Variants in LUZP2 observed in about 807,000 individuals in gnomAD.
LUZP2 encodes the protein leucine zipper protein 2.
LUZP2 carries 52 observed loss-of-function variants against 51.6 expected under a neutral mutation model. The ratio of observed to expected loss-of-function variants is 1.01; its 90% CI spans 0.81 to 1.27. LUZP2 has a LOEUF of 1.27. Among genes scored for constraint, LUZP2 ranks in the 50% most tolerant of loss-of-function variants. The pLI, the probability that LUZP2 is intolerant of heterozygous loss-of-function variation, is 0.00. For missense variants in LUZP2, 436 were observed against 395.4 expected, an observed-to-expected ratio of 1.10 and a Z score of -0.87; for synonymous variants, 154 against 137.3, an observed-to-expected ratio of 1.12 and a Z score of -0.85.
intron 5 of LUZP2, among the ~76,000 whole-genome samples, chr11:24,812,639 C>A (rs1850055036): frequency 1.3e-5 from 2 of 152,042 alleles, no homozygotes; most frequent in Admixed American, 1.3e-4. Flanking sequence ...CAGAAAGAGA[C>A]AAAAATAGAT....
intron 5 of LUZP2, among the ~76,000 whole-genome samples, chr11:24,902,731 TATC>T (rs1183410520): frequency 3.9e-5 from 6 of 152,186 alleles, no homozygotes; most frequent in Non-Finnish European, 7.4e-5. Flanking sequence ...GTATATTAAT[TATC>T]ATCTATGTTT....
chr11:24,647,878 A>G (rs938461567), intron 1 of LUZP2, among the ~76,000 whole-genome samples: 4 of 151,870 alleles, frequency 2.6e-5, no homozygotes, highest in African/African-American at 4.8e-5. Context: ...CCTGGTATTC[A>G]AGAGCTATAT....
chr11:24,998,835 T>A (rs538802101), intron 9 of LUZP2, among the ~76,000 whole-genome samples: 8 of 152,274 alleles, frequency 5.3e-5, no homozygotes, highest in African/African-American at 1.7e-4. Context: ...TTTGGTTTCT[T>A]TCTCTCAGGG....
intron 1 of LUZP2, among the ~76,000 whole-genome samples, chr11:24,538,736 G>T (rs1054982146): frequency 6.6e-6 from 1 of 151,720 alleles, no homozygotes; most frequent in East Asian, 1.9e-4. Context: ...AAAAATAATT[G>T]TGAGAAAGCA....
chr11:24,713,247 T>G (rs1240919429), intron 1 of LUZP2, among the ~76,000 whole-genome samples: 1 of 152,130 alleles, frequency 6.6e-6, no homozygotes, highest in African/African-American at 2.4e-5. Context: ...TCACAGAAAT[T>G]TTTATAGTTT....
chr11:24,521,093 G>C (rs765319184), intron 1 of LUZP2, among the ~76,000 whole-genome samples: 2 of 152,206 alleles, frequency 1.3e-5, no homozygotes, highest in African/African-American at 4.8e-5. Flanking sequence ...GCTCACGCCT[G>C]TAATCCCAGC....
In LUZP2 at chr11:24,883,229, C is replaced by G. The variant is rs112172626; in HGVS notation, c.397-22762C>G. Among the ~76,000 whole-genome samples, 13 of 151,942 alleles carry G rather than the reference C, an allele frequency of 8.6e-5. 1 individual carries two copies. The highest frequency in any genetic ancestry group is 3.1e-4 in the African/African-American group (13 of 41,516). ...ATACATACATGTGCAGAATCTCATA[C>G]TAAATGTACGTTAAGAGCGTAGGAA... On this transcript the variant is annotated intron_variant, in intron 5 of 11. Coordinates refer to ENST00000336930, the MANE Select transcript of LUZP2 (RefSeq NM_001009909.4).
chr11:24,829,790 T>C (rs896471507), intron 5 of LUZP2, among the ~76,000 whole-genome samples: 1 of 152,248 alleles, frequency 6.6e-6, no homozygotes, highest in Non-Finnish European at 1.5e-5. Flanking sequence ...GGCTGGAAAG[T>C]TGACTTTGAA....
intron 7 of LUZP2, among the ~76,000 whole-genome samples, chr11:24,966,513 A>T (rs183910523): frequency 1.8e-4 from 27 of 150,432 alleles, no homozygotes; most frequent in Admixed American, 7.3e-4. Flanking sequence ...TTTATGTTTG[A>T]GCTTTTACAT....
Position 24,912,557 on chromosome 11 carries a change from C to T in LUZP2, c.460-1919C>T, listed in dbSNP as rs980574443. Among the ~76,000 whole-genome samples, 8 of 152,206 alleles carry T rather than the reference C, an allele frequency of 5.3e-5. No individual in the cohort carries two copies. In the South Asian group the frequency reaches 6.2e-4, roughly 12 times the overall value. On this transcript the variant is annotated intron_variant, in intron 6 of 11. Coordinates refer to ENST00000336930, the MANE Select transcript of LUZP2 (RefSeq NM_001009909.4). ...GGCATGGTGGCTCACATCTGTAATC[C>T]GAGCACTTTGGGATGCTGAGGTGGG...
chr11:24,674,316 C>T (rs1418371811), intron 1 of LUZP2, among the ~76,000 whole-genome samples: 3 of 152,116 alleles, frequency 2.0e-5, no homozygotes, highest in South Asian at 2.1e-4. Flanking sequence ...CTGCTAGCCC[C>T]GACATCTCTT....
intron 1 of LUZP2, among the ~76,000 whole-genome samples, chr11:24,602,385 T>C (rs74824670): frequency 0.02 from 1,696 of 86,576 alleles, 31 homozygotes; most frequent in Middle Eastern, 0.058. Context: ...TATATATATA[T>C]ATACACACAC....
At chr11:24,819,264 A>G (rs1590587994) in intron 5 of LUZP2, among the ~76,000 whole-genome samples, 1 of 152,180 alleles carries the variant, frequency 6.6e-6, no homozygotes, top group South Asian at 2.1e-4. Flanking sequence ...AAGTGGTAGG[A>G]ACCAGCTTTT....
At chr11:24,549,019 G>A (rs184695657) in intron 1 of LUZP2, among the ~76,000 whole-genome samples, 128 of 151,874 alleles carry the variant, frequency 8.4e-4, no homozygotes, top group Middle Eastern at 6.8e-3. Context: ...TACAAAATTT[G>A]TTCTTCAATA....
intron 5 of LUZP2, among the ~76,000 whole-genome samples, chr11:24,884,694 TC>T (rs1283964012): frequency 6.6e-6 from 1 of 151,980 alleles, no homozygotes; most frequent in Admixed American, 6.6e-5. Context: ...TACAAACTTT[TC>T]CCCCTCTTGC....
chr11:24,988,000 T>A (rs915527135), intron 9 of LUZP2, among the ~76,000 whole-genome samples: 2 of 151,970 alleles, frequency 1.3e-5, no homozygotes, highest in African/African-American at 2.4e-5. Flanking sequence ...GATTCTAATT[T>A]AGAGCCAAGG....
intron 5 of LUZP2, among the ~76,000 whole-genome samples, chr11:24,846,089 A>C (rs1026878828): frequency 3.9e-5 from 6 of 152,046 alleles, no homozygotes; most frequent in Non-Finnish European, 5.9e-5. Flanking sequence ...TTAAGAGTCA[A>C]CTGAAGGGCT....
chr11:24,522,514 T>C (rs1222095392), intron 1 of LUZP2, among the ~76,000 whole-genome samples: 1 of 152,142 alleles, frequency 6.6e-6, no homozygotes, highest in Non-Finnish European at 1.5e-5. Flanking sequence ...GAAAGTCCTT[T>C]GAGGACAGGG....
chr11:24,974,833 G>C (rs1339913012), intron 7 of LUZP2, among the ~76,000 whole-genome samples: 1 of 151,950 alleles, frequency 6.6e-6, no homozygotes, highest in Non-Finnish European at 1.5e-5. Flanking sequence ...ATTGAGCAAG[G>C]GGCAAGTGGT....
Sources: allele counts gnomAD v4.1 joint callset (sites outside exome capture counted in the v4.1 genomes callset), GRCh38; gene constraint gnomAD v4.1.1; transcripts MANE v1.5; gene names NCBI Gene and HGNC (gene_info 2026-07-23, HGNC 2026-07-21).